Variants in GRM7 observed in about 807,000 individuals in gnomAD.
The protein encoded by GRM7 is glutamate metabotropic receptor 7.
Under a neutral mutation model 84.5 loss-of-function variants are expected in GRM7, and 35 were observed. The observed-to-expected ratio is 0.41, with a 90% CI of 0.32 to 0.55. GRM7 has a LOEUF of 0.55. Among genes scored for constraint, GRM7 ranks in the 20% least tolerant of loss-of-function variants. The pLI is 0.19. For missense variants in GRM7, 1,003 were observed against 1,194.6 expected, an observed-to-expected ratio of 0.84 and a Z score of 2.36; for synonymous variants, 487 against 455.1, an observed-to-expected ratio of 1.07 and a Z score of -0.89.
chr3:7,539,577 G>A (rs776904206), intron 7 of GRM7, among the ~76,000 whole-genome samples: 8 of 151,420 alleles, frequency 5.3e-5, no homozygotes, highest in Non-Finnish European at 1.0e-4. Flanking sequence ...TCAGGAAGCT[G>A]AGGCAGGGAA....
chr3:7,227,617 C>T (rs942149275), intron 2 of GRM7, among the ~76,000 whole-genome samples: 6 of 152,128 alleles, frequency 3.9e-5, no homozygotes, highest in Non-Finnish European at 7.4e-5. Flanking sequence ...AAATGGTAAA[C>T]ATAAAGTGCT....
intron 2 of GRM7, among the ~76,000 whole-genome samples, chr3:7,278,828 G>A (rs1699161824): frequency 6.6e-6 from 1 of 152,068 alleles, no homozygotes; most frequent in African/African-American, 2.4e-5. Flanking sequence ...TTCACTGAAT[G>A]GATAGATACA....
chr3:7,658,251 T>G (rs1378592346), intron 8 of GRM7, among the ~76,000 whole-genome samples: 2 of 152,212 alleles, frequency 1.3e-5, no homozygotes, highest in African/African-American at 4.8e-5. Flanking sequence ...TGCTAATGAA[T>G]TTAGAGCATA....
intron 1 of GRM7, among the ~76,000 whole-genome samples, chr3:6,940,185 G>A (rs1433455056): frequency 2.6e-5 from 4 of 152,012 alleles, no homozygotes; most frequent in African/African-American, 4.8e-5. Flanking sequence ...TCCGCCTCCC[G>A]GGTTCAAGCG....
At chr3:7,357,450 T>C (rs943418816) in intron 4 of GRM7, among the ~76,000 whole-genome samples, 1 of 152,060 alleles carries the variant, frequency 6.6e-6, no homozygotes, top group African/African-American at 2.4e-5. Flanking sequence ...CCCCCTTCAA[T>C]AGTCATACCT....
At chr3:7,002,414 C>G (rs1499162) in intron 1 of GRM7, among the ~76,000 whole-genome samples, 151,336 of 152,344 alleles carry the variant, frequency 0.99, 75,173 homozygotes, top group African/African-American at 1. Flanking sequence ...TAGATTGAAT[C>G]ATTTTCAAAA....
intron 8 of GRM7, among the ~76,000 whole-genome samples, chr3:7,625,802 T>G (rs570774028): frequency 4.6e-5 from 7 of 152,114 alleles, no homozygotes; most frequent in Non-Finnish European, 5.9e-5. Context: ...AAATGTAACA[T>G]GTGCAGTTCA....
At chr3:7,457,096 A>T (rs1698049738) in intron 6 of GRM7, among the ~76,000 whole-genome samples, 1 of 152,146 alleles carries the variant, frequency 6.6e-6, no homozygotes, top group African/African-American at 2.4e-5. Flanking sequence ...CGCATGTTTT[A>T]GGAGGATATT....
intron 1 of GRM7, among the ~76,000 whole-genome samples, chr3:6,995,768 C>T (rs1694803706): frequency 6.6e-6 from 1 of 152,068 alleles, no homozygotes; most frequent in Non-Finnish European, 1.5e-5. Context: ...TTTTGAAAGG[C>T]TATAGTGATC....
chr3:7,154,626 A>G (rs1439533818), intron 2 of GRM7, among the ~76,000 whole-genome samples: 1 of 152,130 alleles, frequency 6.6e-6, no homozygotes, highest in African/African-American at 2.4e-5. Context: ...ATGCAGTGTA[A>G]GGAAACATAG....
intron 4 of GRM7, among the ~76,000 whole-genome samples, chr3:7,361,624 G>T (rs1693668305): frequency 6.6e-6 from 1 of 152,006 alleles, no homozygotes; most frequent in African/African-American, 2.4e-5. Flanking sequence ...GCCACTTCAG[G>T]AATACTATAT....
chr3:6,890,121 C>CT (rs1395856870), intron 1 of GRM7, among the ~76,000 whole-genome samples: 2 of 152,064 alleles, frequency 1.3e-5, no homozygotes, highest in Non-Finnish European at 2.9e-5. Flanking sequence ...ATTCTTCTCT[C>CT]TTTTTTCTTT....
intron 1 of GRM7, among the ~76,000 whole-genome samples, chr3:6,965,673 C>T (rs1281172515): frequency 6.6e-6 from 1 of 152,046 alleles, no homozygotes; most frequent in Non-Finnish European, 1.5e-5. Flanking sequence ...CCTGCCTGCA[C>T]CTGATAGGTC....
At chr3:7,075,141 C>A (rs1219993957) in intron 1 of GRM7, among the ~76,000 whole-genome samples, 1 of 152,130 alleles carries the variant, frequency 6.6e-6, no homozygotes, top group Non-Finnish European at 1.5e-5. Context: ...CTCAGAAGGT[C>A]CTGGAGTCTG....
chr3:7,079,695 T>C (rs1698217018), intron 1 of GRM7, among the ~76,000 whole-genome samples: 1 of 152,110 alleles, frequency 6.6e-6, no homozygotes, highest in Non-Finnish European at 1.5e-5. Context: ...TTACCTGTGA[T>C]GGTGGGATAT....
At chr3:7,560,082 T>C (rs1355997047) in intron 7 of GRM7, among the ~76,000 whole-genome samples, 7 of 152,180 alleles carry the variant, frequency 4.6e-5, no homozygotes, top group African/African-American at 1.7e-4. Context: ...CACAACTGAA[T>C]CCATAATCCC....
intron 4 of GRM7, among the ~76,000 whole-genome samples, chr3:7,402,089 G>T (rs1230423586): frequency 1.3e-5 from 2 of 151,974 alleles, no homozygotes; most frequent in Non-Finnish European, 2.9e-5. Flanking sequence ...CATCTCCCCA[G>T]GCAAACTGAA....
At chr3:7,414,783 C>G (rs1696090285) in intron 4 of GRM7, among the ~76,000 whole-genome samples, 1 of 152,006 alleles carries the variant, frequency 6.6e-6, no homozygotes, top group Admixed American at 6.6e-5. Context: ...TCTGTTTTCT[C>G]ACCTACAAAT....
chr3:7,062,399 A>G (rs1174516514), intron 1 of GRM7, among the ~76,000 whole-genome samples: 1 of 151,742 alleles, frequency 6.6e-6, no homozygotes, highest in East Asian at 1.9e-4. Flanking sequence ...AGGAGCCAAG[A>G]CAAAAGGGGG....
Sources: allele counts gnomAD v4.1 joint callset (sites outside exome capture counted in the v4.1 genomes callset), GRCh38; gene constraint gnomAD v4.1.1; transcripts MANE v1.5; gene names NCBI Gene and HGNC (gene_info 2026-07-23, HGNC 2026-07-21).